Variants in GPLD1 observed in about 807,000 individuals in gnomAD.
GPLD1 encodes glycosylphosphatidylinositol specific phospholipase D1, also known as phosphatidylinositol-glycan-specific phospholipase D.
GPLD1 carries 84 observed loss-of-function variants against 112.6 expected under a neutral mutation model. The observed-to-expected ratio is 0.75, with a 90% CI of 0.63 to 0.89. The LOEUF (loss-of-function observed/expected upper bound fraction) is 0.89. Ranked by LOEUF, GPLD1 falls within the 40% of genes least tolerant of loss-of-function variation. The pLI is 0.00. For synonymous variants in GPLD1, 386 were observed against 403.8 expected, an observed-to-expected ratio of 0.96 and a Z score of 0.53; for missense variants, 1,044 against 1,051.5, an observed-to-expected ratio of 0.99 and a Z score of 0.10.
At chr6:24,433,041 T>C in intron 24 of GPLD1, 146 bp downstream of exon 24, 1 of 709,174 alleles carries the variant, frequency 1.4e-6, no homozygotes, top group South Asian at 1.6e-5. Context: ...AAGGAAGTGA[T>C]GAGATTATAT....
chr6:24,436,693 G>A lies in GPLD1; in HGVS notation c.2241C>T (p.Thr747=). 1 of 1,614,028 alleles carries A rather than the reference G, an allele frequency of 6.2e-7. No homozygotes were observed. The highest frequency in any genetic ancestry group is 1.3e-5 in the African/African-American group (1 of 75,012). ...CGTCTTCTCCCCCAATCAGTCCAGA[G>A]GTTACATCTGCTATCCTCAGGGGGG... The part of the protein sequence containing the change: ...MAAPLRIADV[T]SGLIGGEDGR... Residue 747 remains threonine (T), a synonymous_variant, in exon 22 of 25, where the codon ACC becomes ACT. Coordinates refer to ENST00000230036, the MANE Select transcript of GPLD1 (RefSeq NM_001503.4).
rs1296698020 is a variant in GPLD1 at position 24,436,723 on chromosome 6, CATG to C, written c.2208_2210del (p.Ile736del). ...CATCTGCTATCCTCAGGGGGGCTGC[CATG>C]ATGATTTCATCTGAAAACAATAAAA... On this transcript the variant is annotated inframe_deletion, in exon 22 of 25. Coordinates refer to ENST00000230036, the MANE Select transcript of GPLD1 (RefSeq NM_001503.4). 1.9e-6 allele frequency: 3 copies of C among 1,612,988 alleles called. No individual in the cohort carries two copies. Among genetic ancestry groups the C allele is most frequent in the Non-Finnish European group, 1.7e-6 (2 of 1,179,840 alleles).
intron 14 of GPLD1, among the ~76,000 whole-genome samples, chr6:24,452,136 A>G (rs1763110429): frequency 6.6e-6 from 1 of 152,144 alleles, no homozygotes; most frequent in African/African-American, 2.4e-5. Flanking sequence ...CTAGGGGAGG[A>G]GGGCATGGAG....
intron 20 of GPLD1, among the ~76,000 whole-genome samples, chr6:24,441,903 G>GA: frequency 6.6e-6 from 1 of 151,128 alleles, no homozygotes; most frequent in African/African-American, 2.4e-5. Flanking sequence ...CAATTTGGGT[G>GA]AAATATATCA....
chr6:24,486,082 T>C lies in GPLD1; in HGVS notation c.146A>G (p.Tyr49Cys), dbSNP rs774098987. The C allele has an allele frequency of 1.3e-6, 2 of 1,585,526 alleles. No homozygotes were observed. Among genetic ancestry groups the C allele is most frequent in the Non-Finnish European group, 1.7e-6 (2 of 1,156,268 alleles). ...FLQLHNGRVNYRELLLEHQDA... is the reference protein window; with the variant it reads ...FLQLHNGRVNCRELLLEHQDA... ...AAAAATCAAGATTTCTACCTCTCTG[T>C]AGTTAACACGCCCATTGTGAAGCTG... Residue 49 changes from tyrosine to cysteine, a missense_variant, in exon 2 of 25, where the codon TAC becomes TGC. Transcript: ENST00000230036.
intron 24 of GPLD1, 87 bp from the exon 25 acceptor site, chr6:24,429,205 G>T: frequency 1.4e-6 from 1 of 737,228 alleles, no homozygotes; most frequent in East Asian, 2.8e-5. Context: ...CTATGCTCTA[G>T]AAATATAAAG....
Position 24,475,262 on chromosome 6 carries a change from G to A in GPLD1, c.331-31C>T, listed in dbSNP as rs1266158380. Reference sequence around the variant, plus strand: ...AAACAAGCAAATTAGAGTCATGTGTGTTTGGGTGATTTTATAATAACAATC... The same window carrying A: ...AAACAAGCAAATTAGAGTCATGTGTATTTGGGTGATTTTATAATAACAATC... On this transcript the variant is annotated intron_variant, in intron 4 of 24. Coordinates refer to ENST00000230036, the MANE Select transcript of GPLD1 (RefSeq NM_001503.4). The A allele has an allele frequency of 2.8e-6, 3 of 1,084,338 alleles. No individual in the cohort carries two copies. In the South Asian group the frequency reaches 3.7e-5, roughly 13 times the overall value. 67.2% of individuals were successfully genotyped at this position (1,084,338 alleles called of 1,614,324 possible). A position where few individuals can be genotyped will look rare whatever the true frequency, so the allele number is the denominator to read the frequency against.
At position 24,455,618 on chromosome 6, in the gene GPLD1, G is replaced by C. The variant is rs560401351; in HGVS notation, c.1148+880C>G. On this transcript the variant is annotated intron_variant, in intron 13 of 24. Coordinates refer to ENST00000230036, the MANE Select transcript of GPLD1 (RefSeq NM_001503.4). ...TTCCTAACATTCTCTTTATAAAACTGTCATGGTATACCAGCTTTTACCATA... is the reference window on the plus strand; with the variant it reads ...TTCCTAACATTCTCTTTATAAAACTCTCATGGTATACCAGCTTTTACCATA... 9.7e-4 allele frequency among the ~76,000 whole-genome samples: 147 copies of C among 152,190 alleles called. No individual in the cohort carries two copies. In the South Asian group the frequency reaches 0.029, roughly 30 times the overall value.
intron 20 of GPLD1, among the ~76,000 whole-genome samples, chr6:24,438,368 C>CACCT (rs1241820362): frequency 5.3e-5 from 8 of 152,194 alleles, no homozygotes; most frequent in Non-Finnish European, 7.3e-5. Context: ...ATATAAATGG[C>CACCT]ACCTGTGGGT....
intron 1 of GPLD1, among the ~76,000 whole-genome samples, chr6:24,494,646 A>G (rs994736696): frequency 3.9e-5 from 6 of 152,132 alleles, no homozygotes; most frequent in African/African-American, 1.4e-4. Flanking sequence ...GGGGCTCAGG[A>G]GCAGTTAGTG....
intron 2 of GPLD1, among the ~76,000 whole-genome samples, chr6:24,484,002 G>A (rs1237091186): frequency 4.6e-5 from 7 of 152,068 alleles, no homozygotes; most frequent in African/African-American, 9.7e-5. Flanking sequence ...TGCAAGCTCC[G>A]CCTCCCGGGT....
At chr6:24,460,603 G>A (rs1333240661) in intron 11 of GPLD1, among the ~76,000 whole-genome samples, 1 of 152,156 alleles carries the variant, frequency 6.6e-6, no homozygotes, top group African/African-American at 2.4e-5. Context: ...AGGCTTAAAA[G>A]CCTATCCTTA....
rs368629280 is a variant in GPLD1, at chr6:24,433,252, G to A, written c.2386-15C>T. 3.0e-5 allele frequency: 49 copies of A among 1,607,926 alleles called. No individual in the cohort carries two copies. Among genetic ancestry groups the A allele is most frequent in the Middle Eastern group, 3.3e-4 (2 of 6,052 alleles). On this transcript the variant is annotated splice_polypyrimidine_tract_variant and intron_variant, in intron 23 of 24. Coordinates refer to ENST00000230036, the MANE Select transcript of GPLD1 (RefSeq NM_001503.4). Reference sequence around the variant, plus strand: ...CTTGAGCTGGCCTGTAAAACATGCCGTCTGTTAATGGGCTTTGAAGAACAT... The same window carrying A: ...CTTGAGCTGGCCTGTAAAACATGCCATCTGTTAATGGGCTTTGAAGAACAT...
At chr6:24,473,750 G>A (rs1005373411) in intron 5 of GPLD1, 83 bp from the exon 6 acceptor site, 2 of 833,198 alleles carry the variant, frequency 2.4e-6, no homozygotes, top group Admixed American at 2.2e-5. Context: ...AGTGGTGGGA[G>A]ATGACAGCTA....
At chr6:24,461,418 T>C (rs978287672) in intron 11 of GPLD1, among the ~76,000 whole-genome samples, 1 of 152,242 alleles carries the variant, frequency 6.6e-6, no homozygotes, top group African/African-American at 2.4e-5. Context: ...ATTTTCATTC[T>C]TCCAAAGTGC....
At chr6:24,486,213 TAC>T (rs1764369663) in intron 1 of GPLD1, 83 bp from the exon 2 acceptor site, 1 of 876,086 alleles carries the variant, frequency 1.1e-6, no homozygotes, top group Non-Finnish European at 1.9e-6. Context: ...AAAAGAAAAA[TAC>T]ACAATTTGTG....
intron 24 of GPLD1, among the ~76,000 whole-genome samples, chr6:24,430,067 GGTT>G (rs1561823704): frequency 6.6e-6 from 1 of 152,150 alleles, no homozygotes; most frequent in Non-Finnish European, 1.5e-5. Flanking sequence ...AATTTGTGGA[GGTT>G]GTATCATGGG....
intron 13 of GPLD1, among the ~76,000 whole-genome samples, chr6:24,455,012 C>A (rs1740107219): frequency 6.6e-6 from 1 of 152,170 alleles, no homozygotes; most frequent in African/African-American, 2.4e-5. Flanking sequence ...GCCTGTAATC[C>A]CAGCTACTTT....
At chr6:24,475,297 G>T in intron 4 of GPLD1, 66 bp from the exon 5 acceptor site, 1 of 818,004 alleles carries the variant, frequency 1.2e-6, no homozygotes, top group Non-Finnish European at 2.1e-6. Context: ...CCTATTAAAA[G>T]TTTTAATAAA....
Sources: allele counts gnomAD v4.1 joint callset (sites outside exome capture counted in the v4.1 genomes callset), GRCh38; gene constraint gnomAD v4.1.1; transcripts MANE v1.5; gene names NCBI Gene and HGNC (gene_info 2026-07-23, HGNC 2026-07-21).